GREB1L: variants seen among roughly 807,000 people sequenced by gnomAD.
GREB1L encodes GREB1-like protein.
A neutral mutation model predicts 200.8 loss-of-function variants in GREB1L; 17 were observed. That is an observed-to-expected ratio of 0.08 (90% CI 0.06 to 0.13). The LOEUF (loss-of-function observed/expected upper bound fraction) is 0.13, where lower values mean the gene tolerates loss of function less well. GREB1L is among the 10% of genes least tolerant of loss of function. The probability of loss-of-function intolerance (pLI) is 1.00; values close to 1 mark genes in which losing one functional copy is unlikely to be tolerated. For missense variants in GREB1L, 1,657 were observed against 2,367.7 expected (o/e 0.70, Z 6.23); for synonymous variants, 789 against 893.0 (o/e 0.88, Z 2.08).
chr18:21,276,159 T>G (rs1306899679), intron 1 of GREB1L, among the ~76,000 whole-genome samples: 1 of 152,192 alleles, frequency 6.6e-6, no homozygotes, highest in African/African-American at 2.4e-5. Flanking sequence ...TCTTATGCAT[T>G]TATTCCCATT....
intron 4 of GREB1L, 39 bp downstream of exon 4, chr18:21,384,442 C>G (rs769283839): frequency 1.4e-6 from 2 of 1,446,828 alleles, no homozygotes; most frequent in Non-Finnish European, 1.9e-6. Flanking sequence ...TATTTTGTCT[C>G]TAATATTGTC....
chr18:21,311,447 C>A (rs1358744556), intron 1 of GREB1L, among the ~76,000 whole-genome samples: 1 of 152,174 alleles, frequency 6.6e-6, no homozygotes, highest in Non-Finnish European at 1.5e-5. Context: ...GGAGTGACCA[C>A]TCCTTTAGCA....
At chr18:21,433,705 A>G (rs559642447) in intron 7 of GREB1L, among the ~76,000 whole-genome samples, 1 of 152,340 alleles carries the variant, frequency 6.6e-6, no homozygotes, top group Admixed American at 6.5e-5. Flanking sequence ...CAATGATTAG[A>G]TGAATCAGGA....
intron 25 of GREB1L, 102 bp from the exon 26 acceptor site, chr18:21,508,016 A>G (rs2037085408): frequency 2.7e-6 from 3 of 1,117,344 alleles, no homozygotes; most frequent in Middle Eastern, 3.9e-4. Context: ...TTACCAGTTC[A>G]TGTTAGTTTC....
intron 5 of GREB1L, among the ~76,000 whole-genome samples, chr18:21,399,584 A>G (rs2041233383): frequency 1.3e-5 from 2 of 152,168 alleles, no homozygotes; most frequent in South Asian, 2.1e-4. Context: ...GGGAGGGGCT[A>G]CTGCTTTAAG....
chr18:21,428,646 T>C (rs1308243034), intron 7 of GREB1L, among the ~76,000 whole-genome samples: 1 of 150,254 alleles, frequency 6.7e-6, no homozygotes, highest in Non-Finnish European at 1.5e-5. Context: ...TTTTTTTTTT[T>C]TGAGACGGAG....
intron 17 of GREB1L, among the ~76,000 whole-genome samples, chr18:21,482,459 G>A (rs556686570): frequency 3.9e-5 from 6 of 152,166 alleles, no homozygotes; most frequent in South Asian, 2.1e-4. Context: ...GGGTTTCACC[G>A]TGTTGGCCAG....
rs2037665648 is a variant in GREB1L at position 21,525,236 on chromosome 18, G to A, written c.*2415G>A. The A allele has an allele frequency of 6.6e-6, 1 of 151,942 alleles. No individual in the cohort carries two copies. The highest frequency in any genetic ancestry group is 6.6e-5 in the Admixed American group (1 of 15,266). 9.4% of individuals were successfully genotyped at this position (151,942 alleles called of 1,614,324 possible). A position where few individuals can be genotyped will look rare whatever the true frequency, so the allele number is the denominator to read the frequency against. On this transcript the variant is annotated 3_prime_UTR_variant, in exon 33 of 33. Transcript: ENST00000424526. ...GCTGTAATTTATGCAATTGCTTTTTGTGATTTTTAGAAAATGGGGCACCCG... is the reference window on the plus strand; with the variant it reads ...GCTGTAATTTATGCAATTGCTTTTTATGATTTTTAGAAAATGGGGCACCCG...
intron 1 of GREB1L, among the ~76,000 whole-genome samples, chr18:21,270,714 A>G (rs1196719272): frequency 6.6e-6 from 1 of 152,256 alleles, no homozygotes; most frequent in Non-Finnish European, 1.5e-5. Context: ...TAGTTTACTC[A>G]TCAGTAGTCC....
At chr18:21,248,315 T>C (rs1040735423) in intron 1 of GREB1L, among the ~76,000 whole-genome samples, 10 of 152,200 alleles carry the variant, frequency 6.6e-5, no homozygotes, top group African/African-American at 2.4e-4. Flanking sequence ...CTAGGCCATT[T>C]GATTTTTCAG....
intron 17 of GREB1L, among the ~76,000 whole-genome samples, chr18:21,483,914 T>G (rs1490495937): frequency 6.8e-6 from 1 of 147,988 alleles, no homozygotes; most frequent in East Asian, 2.0e-4. Context: ...AGGCAGAGAT[T>G]GCAGTGAGCC....
intron 1 of GREB1L, among the ~76,000 whole-genome samples, chr18:21,289,334 G>C (rs2038409369): frequency 6.6e-6 from 1 of 152,096 alleles, no homozygotes; most frequent in Admixed American, 6.5e-5. Context: ...AGGATTACTT[G>C]AGCCCGGGAG....
chr18:21,475,996 A>AAT (rs2035684319), intron 16 of GREB1L, among the ~76,000 whole-genome samples: 1 of 138,554 alleles, frequency 7.2e-6, no homozygotes, highest in Non-Finnish European at 1.5e-5. Flanking sequence ...AAAAAAAAAA[A>AAT]AGAGTCAAAT....
chr18:21,472,838 A>T (rs572396765), intron 15 of GREB1L, among the ~76,000 whole-genome samples, 193 bp from the exon 16 acceptor site: 1 of 152,302 alleles, frequency 6.6e-6, no homozygotes, highest in East Asian at 1.9e-4. Context: ...CGGCAGTGTT[A>T]CAAAGAAAAG....
In GREB1L at chr18:21,500,607, A is replaced by G. The variant is rs1246356693; in HGVS notation, c.4037A>G (p.Glu1346Gly). 2 of 1,548,826 alleles carry G rather than the reference A, an allele frequency of 1.3e-6. No homozygotes were observed. Among genetic ancestry groups the G allele is most frequent in the Non-Finnish European group, 1.7e-6 (2 of 1,145,940 alleles). ...TTCCGCATGCTCATCAGGCTCCTGGAGGTGGACGTGTATGATGAGGAGGAG... is the reference window on the plus strand; with the variant it reads ...TTCCGCATGCTCATCAGGCTCCTGGGGGTGGACGTGTATGATGAGGAGGAG... ...ILFRMLIRLL[E>G]VDVYDEEEIN... The change falls in exon 23 of 33, where the codon GAG (glutamate) becomes GGG (glycine). Residue 1346 changes from glutamate to glycine, a missense_variant. Physicochemically the swap from Glu to Gly is moderately conservative, Grantham distance 98 (BLOSUM62 -2). Coordinates refer to ENST00000424526, the MANE Select transcript of GREB1L (RefSeq NM_001142966.3).
chr18:21,483,364 C>G (rs1224541388), intron 17 of GREB1L, among the ~76,000 whole-genome samples: 1 of 152,170 alleles, frequency 6.6e-6, no homozygotes, highest in African/African-American at 2.4e-5. Flanking sequence ...AGGAGGGAAA[C>G]TTAGATGAAT....
At chr18:21,349,631 C>T (rs1404768928) in intron 1 of GREB1L, among the ~76,000 whole-genome samples, 1 of 152,044 alleles carries the variant, frequency 6.6e-6, no homozygotes, top group Admixed American at 6.6e-5. Context: ...TTCTCGTAGG[C>T]TCCCAAAACC....
chr18:21,447,299 T>TA lies in GREB1L; in HGVS notation c.1394-2201dup, dbSNP rs202167374. The stretch of plus-strand genomic sequence containing the variant: ...GACCCTGTCTCTAATTAAAAAAATT[T>TA]AAAAAAAAAATTTTTTTAAAAGGCT... On this transcript the variant is annotated intron_variant, in intron 11 of 32. Coordinates refer to ENST00000424526, the MANE Select transcript of GREB1L (RefSeq NM_001142966.3). Among the ~76,000 whole-genome samples the TA allele has an allele frequency of 5.9e-5, 9 of 151,324 alleles. No individual in the cohort carries two copies. In the South Asian group the frequency reaches 6.3e-4, roughly 11 times the overall value.
intron 2 of GREB1L, among the ~76,000 whole-genome samples, chr18:21,376,749 G>A (rs1179694595): frequency 2.1e-5 from 3 of 142,914 alleles, no homozygotes; most frequent in Middle Eastern, 3.8e-3. Context: ...AGCTTGCAGT[G>A]AGCCGAGATC....
Sources: allele counts gnomAD v4.1 joint callset (sites outside exome capture counted in the v4.1 genomes callset), GRCh38; gene constraint gnomAD v4.1.1; transcripts MANE v1.5; gene names NCBI Gene and HGNC (gene_info 2026-07-23, HGNC 2026-07-21).